MRTFB: variants seen among roughly 807,000 people sequenced by gnomAD.
MRTFB encodes the protein myocardin related transcription factor B, also known as myocardin-related transcription factor B.
In MRTFB, 29 loss-of-function variants were observed where a neutral mutation model predicts 104.2. The observed-to-expected ratio is 0.28, with a 90% CI of 0.21 to 0.38. MRTFB has a LOEUF of 0.38. Among genes scored for constraint, MRTFB ranks in the 10% least tolerant of loss-of-function variants. MRTFB has a pLI of 1.00. For missense variants in MRTFB, 1,270 were observed against 1,341.6 expected (o/e 0.95, Z 0.83); for synonymous variants, 535 against 519.5 (o/e 1.03, Z -0.41).
chr16:14,202,547 T>A (rs1158245570), intron 3 of MRTFB, among the ~76,000 whole-genome samples: 2 of 152,160 alleles, frequency 1.3e-5, no homozygotes, highest in Non-Finnish European at 2.9e-5. Flanking sequence ...AACTATAAAT[T>A]TGTGAATCTT....
chr16:14,175,902 A>G (rs2039566934), intron 3 of MRTFB, among the ~76,000 whole-genome samples: 1 of 152,182 alleles, frequency 6.6e-6, no homozygotes, highest in South Asian at 2.1e-4. Context: ...TTGAAATTCT[A>G]GAAAAGATAA....
Position 14,246,825 on chromosome 16 carries a change from T to C in MRTFB, c.1565T>C (p.Met522Thr), listed in dbSNP as rs533601723. 32 of 1,612,714 alleles carry C rather than the reference T, an allele frequency of 2.0e-5. No homozygotes were observed. In the South Asian group the frequency reaches 3.2e-4, roughly 16 times the overall value. ...QSSLSTDDTN[M>T]ADTFTEIMTM... The stretch of plus-strand genomic sequence containing the variant: ...AGTCTCAGTACTGATGACACAAACA[T>C]GGCAGACACTTTCACCGAGATTATG... The change falls in exon 12 of 17, where the codon ATG (methionine) becomes ACG (threonine). Residue 522 changes from methionine (M) to threonine (T), a missense_variant. This residue lies in a region of MRTFB where 1,144 missense variants were observed against 1,131.5 expected (regional missense o/e 1.01). Transcript: ENST00000571589.
intron 3 of MRTFB, among the ~76,000 whole-genome samples, chr16:14,167,224 T>C (rs773207971): frequency 1.3e-5 from 2 of 152,238 alleles, no homozygotes; most frequent in Non-Finnish European, 2.9e-5. Context: ...TGGTTTCTCA[T>C]TGTGGTTTTG....
At chr16:14,020,912 G>A in the MRTFB span, 3 of 152,320 alleles carry the variant, frequency 2.0e-5, no homozygotes, top group South Asian at 6.2e-4. Context: ...GGTAATTACT[G>A]ATAGGCTGCT....
At chr16:14,030,062 C>A in the MRTFB span, among the ~76,000 whole-genome samples, 3,563 of 151,998 alleles carry the variant, frequency 0.023, 133 homozygotes, top group African/African-American at 0.081. Context: ...TCCATGGGCA[C>A]GATGAGGAGG....
intron 3 of MRTFB, among the ~76,000 whole-genome samples, chr16:14,188,820 C>T (rs888242873): frequency 3.9e-5 from 6 of 152,060 alleles, no homozygotes; most frequent in South Asian, 2.1e-4. Flanking sequence ...TTGCTTTTTT[C>T]GTATTTCTTT....
chr16:14,001,485 C>T, the MRTFB span, among the ~76,000 whole-genome samples: 423 of 152,344 alleles, frequency 2.8e-3, 5 homozygotes, highest in Admixed American at 0.025. Context: ...CCCAAAGCAA[C>T]GAAGACAAGC....
intron 2 of MRTFB, among the ~76,000 whole-genome samples, chr16:14,099,232 A>G (rs1442490232): frequency 6.6e-6 from 1 of 152,088 alleles, no homozygotes; most frequent in East Asian, 1.9e-4. Flanking sequence ...ATTTATTTAT[A>G]TTTTTTAAAA....
At position 14,173,239 on chromosome 16, in the gene MRTFB, T is replaced by A. The variant is rs148229527; in HGVS notation, c.154+32479T>A. ...TATGAACTTGAGTATCAACTTGCCTTAGCTCCATTAAAACGCTTGTTGGTG... is the reference window on the plus strand; with the variant it reads ...TATGAACTTGAGTATCAACTTGCCTAAGCTCCATTAAAACGCTTGTTGGTG... On this transcript the variant is annotated intron_variant, in intron 3 of 16. Coordinates refer to ENST00000571589, the MANE Select transcript of MRTFB (RefSeq NM_001308142.2). 9.7e-3 allele frequency among the ~76,000 whole-genome samples: 1,481 copies of A among 152,294 alleles called. 24 individuals carry two copies. Among genetic ancestry groups the A allele is most frequent in the African/African-American group, 0.034 (1,407 of 41,562 alleles).
At chr16:13,999,191 CAAAAAAA>C in the MRTFB span, among the ~76,000 whole-genome samples, 17 of 78,226 alleles carry the variant, frequency 2.2e-4, 1 homozygote, top group East Asian at 5.5e-3. Flanking sequence ...ACTCTGTCTC[CAAAAAAA>C]AAAAAAAAAG....
At chr16:14,126,782 A>C (rs1003498435) in intron 2 of MRTFB, among the ~76,000 whole-genome samples, 1 of 152,178 alleles carries the variant, frequency 6.6e-6, no homozygotes, top group African/African-American at 2.4e-5. Flanking sequence ...AAAATTTCAC[A>C]GCTGGAATTT....
intron 8 of MRTFB, among the ~76,000 whole-genome samples, chr16:14,224,679 A>G (rs1275613814): frequency 6.6e-6 from 1 of 152,228 alleles, no homozygotes; most frequent in African/African-American, 2.4e-5. Flanking sequence ...CAGTGGGATG[A>G]TATATTTAAA....
the MRTFB span, among the ~76,000 whole-genome samples, chr16:14,008,835 T>A: frequency 6.6e-6 from 1 of 151,476 alleles, no homozygotes; most frequent in Non-Finnish European, 1.5e-5. Context: ...TTTATTTAGG[T>A]CTTCTTTAGT....
Position 14,262,892 on chromosome 16 carries a change from G to C in MRTFB, c.*1448G>C, listed in dbSNP as rs1355027149. Reference sequence around the variant, plus strand: ...TTGTGTAAACCCTCAGGTCAGGTTGGTTCCCCTGGGTCACAAAATGGTAAA... The same window carrying C: ...TTGTGTAAACCCTCAGGTCAGGTTGCTTCCCCTGGGTCACAAAATGGTAAA... On this transcript the variant is annotated 3_prime_UTR_variant, in exon 17 of 17. Transcript: ENST00000571589. 1 of 152,304 alleles carries C rather than the reference G, an allele frequency of 6.6e-6. No homozygotes were observed. The highest frequency in any genetic ancestry group is 2.4e-5 in the African/African-American group (1 of 41,446). The allele number at this position is 152,304 out of a possible 1,614,324, so 9.4% of individuals were successfully genotyped here.
the MRTFB span, among the ~76,000 whole-genome samples, chr16:13,995,735 G>A: frequency 0.017 from 2,604 of 152,208 alleles, 81 homozygotes; most frequent in African/African-American, 0.059. Context: ...ATCATCCCTG[G>A]CTGGAGAAGG....
intron 3 of MRTFB, chr16:14,152,568 A>G (rs1166590405): frequency 6.6e-6 from 1 of 152,266 alleles, no homozygotes; most frequent in East Asian, 1.9e-4. Flanking sequence ...TAAAAAGAAG[A>G]ATATAATGCT....
At chr16:14,215,882 C>T (rs1451987997) in intron 6 of MRTFB, among the ~76,000 whole-genome samples, 3 of 152,218 alleles carry the variant, frequency 2.0e-5, no homozygotes, top group Admixed American at 1.3e-4. Flanking sequence ...CTAGATGTTG[C>T]AATCTTTTTC....
In MRTFB at chr16:14,072,182, C is replaced by T. The variant is rs115450379; in HGVS notation, c.-129+817C>T. On this transcript the variant is annotated intron_variant, in intron 1 of 16. Transcript: ENST00000571589. ...TCTTGGGAACAGTGGTTCTCAACCT[C>T]GTCAGAATCAAGGTCCCTTCTTCCC... Among the ~76,000 whole-genome samples, 850 of 152,308 alleles carry T rather than the reference C, an allele frequency of 5.6e-3. 9 individuals carry two copies. Among genetic ancestry groups the T allele is most frequent in the African/African-American group, 0.02 (828 of 41,572 alleles).
At position 14,177,878 on chromosome 16, in the gene MRTFB, C is replaced by A. The variant is rs2039636379; in HGVS notation, c.155-32365C>A. ...CATTTAGAAACTATTATTTAGAAAGCGAGAAGTACATGAACCAGAGGTAGG... is the reference window on the plus strand; with the variant it reads ...CATTTAGAAACTATTATTTAGAAAGAGAGAAGTACATGAACCAGAGGTAGG... On this transcript the variant is annotated intron_variant, in intron 3 of 16. Coordinates refer to ENST00000571589, the MANE Select transcript of MRTFB (RefSeq NM_001308142.2). This position sits in a 1 kb window ranked among gnomAD's most constrained non-coding sequence, Gnocchi z 4.7. Among the ~76,000 whole-genome samples, 1 of 147,090 alleles carries A rather than the reference C, an allele frequency of 6.8e-6. No homozygotes were observed. The highest frequency in any genetic ancestry group is 2.2e-4 in the South Asian group (1 of 4,498).
Sources: gnomAD v4.1 joint callset for allele counts (sites outside exome capture counted in the v4.1 genomes callset) on GRCh38, gnomAD v4.1.1 for gene constraint, gnomAD v4.1.1 regional missense constraint, Gnocchi (gnomAD v3.1) non-coding constraint, MANE v1.5 for transcripts, NCBI Gene and HGNC (gene_info 2026-07-23, HGNC 2026-07-21) for gene names.